The following ARHGEF1 variants were observed in gnomAD, a reference collection of about 807,000 sequenced individuals.
ARHGEF1 encodes the protein Rho guanine nucleotide exchange factor 1.
ARHGEF1 carries 40 observed loss-of-function variants against 119.7 expected under a neutral mutation model. That is an observed-to-expected ratio of 0.33 (90% CI 0.26 to 0.44). The LOEUF is 0.44. ARHGEF1 is among the 20% of genes least tolerant of loss of function. ARHGEF1 has a pLI of 1.00. For synonymous variants in ARHGEF1, 494 were observed against 521.0 expected, an observed-to-expected ratio of 0.95 and a Z score of 0.71; for missense variants, 976 against 1,268.3, an observed-to-expected ratio of 0.77 and a Z score of 3.50.
chr19:41,915,239 G>C (rs782082031), intron 18 of ARHGEF1, among the ~76,000 whole-genome samples: 1 of 147,738 alleles, frequency 6.8e-6, no homozygotes, highest in Non-Finnish European at 1.5e-5. Context: ...ACGAGGAGCC[G>C]TGGGATCGGC....
At chr19:41,884,479 T>G in intron 1 of ARHGEF1, 1 of 1,607,630 alleles carries the variant, frequency 6.2e-7, no homozygotes, top group Non-Finnish European at 8.5e-7. Flanking sequence ...TGGCTTCTCT[T>G]TCCACCTGGA....
downstream of ARHGEF1, among the ~76,000 whole-genome samples, chr19:41,910,300 A>C (rs1330951862): frequency 6.6e-6 from 1 of 152,160 alleles, no homozygotes; most frequent in East Asian, 1.9e-4. This position sits in a 1 kb window ranked among gnomAD's most constrained non-coding sequence, Gnocchi z 4.4. Context: ...CCAGTCATCC[A>C]GGGACCCTGG....
At chr19:41,890,983 A>G (rs1441238203) in intron 4 of ARHGEF1, among the ~76,000 whole-genome samples, 1 of 152,072 alleles carries the variant, frequency 6.6e-6, no homozygotes, top group Non-Finnish European at 1.5e-5. Context: ...CCCAGATGAG[A>G]GCCCCCAGGA....
chr19:41,896,335 C>T lies in ARHGEF1; in HGVS notation c.1016-42C>T, dbSNP rs781931609. On this transcript the variant is annotated intron_variant, in intron 12 of 28. Transcript: ENST00000354532. The stretch of plus-strand genomic sequence containing the variant: ...GCCCCCAGAGTGTGGGTCTCGTGGC[C>T]GCAGAGGCCTTCCAGCCAGCCCTGC... 4.1e-5 allele frequency: 48 copies of T among 1,158,040 alleles called. No homozygotes were observed. The South Asian group carries it at 6.1e-4, about 15-fold the overall frequency. 71.7% of individuals were successfully genotyped at this position (1,158,040 alleles called of 1,614,324 possible). A position where few individuals can be genotyped will look rare whatever the true frequency, so the allele number is the denominator to read the frequency against.
At position 41,902,141 on chromosome 19, in the gene ARHGEF1, G is replaced by A. The variant is rs2074614125; in HGVS notation, c.1414+108G>A. ...GAACCCCAGGGTTCACATGGGGTGG[G>A]GGCAGATACGCCATCCGGTCCCGAG... On this transcript the variant is annotated intron_variant, in intron 15 of 28. Coordinates refer to ENST00000354532, the MANE Select transcript of ARHGEF1 (RefSeq NM_004706.4). The surrounding 1 kb of genome is among the most constrained non-coding windows in gnomAD (Gnocchi z 6.5). 1 of 1,556,146 alleles carries A rather than the reference G, an allele frequency of 6.4e-7. No individual in the cohort carries two copies. Among genetic ancestry groups the A allele is most frequent in the Non-Finnish European group, 8.8e-7 (1 of 1,140,986 alleles).
chr19:41,901,322 G>T (rs1177051660), intron 14 of ARHGEF1, among the ~76,000 whole-genome samples: 2 of 149,076 alleles, frequency 1.3e-5, no homozygotes, highest in East Asian at 4.0e-4. Flanking sequence ...GCTAATTTTT[G>T]TATTTTTTTA....
Position 41,906,533 on chromosome 19 carries a change from C to A in ARHGEF1, c.2568C>A (p.Val856=), listed in dbSNP as rs2074699687. ...GGCCTCCTCGAGATGGGGATGGGGT[C>A]CCAGGGGGCGGCCCCCTGAGCCCAG... ...GAGPPRDGDG[V]PGGGPLSPAR... Residue 856 remains valine (V), a synonymous_variant, in exon 27 of 29, where the codon GTC becomes GTA. Transcript: ENST00000354532. The surrounding 1 kb of genome is among the most constrained non-coding windows in gnomAD (Gnocchi z 4.5). 1.3e-6 allele frequency: 2 copies of A among 1,582,242 alleles called. No homozygotes were observed. The highest frequency in any genetic ancestry group is 4.2e-5 in the Admixed American group (2 of 47,986).
intron 14 of ARHGEF1, 106 bp from the exon 15 acceptor site, chr19:41,901,781 G>C: frequency 1.4e-6 from 2 of 1,394,502 alleles, no homozygotes; most frequent in Non-Finnish European, 1.9e-6. Context: ...CCAACTTCTA[G>C]GAAGCTTTCC....
At position 41,903,383 on chromosome 19, in the gene ARHGEF1, C is replaced by T. The variant is rs1171912888; in HGVS notation, c.1815C>T (p.Ala605=). ...CREILHHVNQ[A]VRDMEDLLRL... ...AAATTCTACACCACGTCAACCAAGC[C>T]GTGCGTGACATGGAGGACCTGCTGG... The change falls in exon 19 of 29, where the codon GCC becomes GCT. Residue 605 remains alanine (A), a synonymous_variant. Transcript: ENST00000354532. This position sits in a 1 kb window ranked among gnomAD's most constrained non-coding sequence, Gnocchi z 4.2. 17 of 1,613,856 alleles carry T rather than the reference C, an allele frequency of 1.1e-5. No homozygotes were observed. In the Middle Eastern group the frequency reaches 1.2e-3, roughly 109 times the overall value.
At position 41,907,203 on chromosome 19, in the gene ARHGEF1, A is replaced by T; in HGVS notation, c.*116A>T. On this transcript the variant is annotated 3_prime_UTR_variant, in exon 29 of 29. Coordinates refer to ENST00000354532, the MANE Select transcript of ARHGEF1 (RefSeq NM_004706.4). ...TCTCACACCCCGAGGGCCTGAGGAG[A>T]GGGAGCTGTGGGCCACGCCTGGGAG... The T allele has an allele frequency of 3.9e-6, 6 of 1,519,668 alleles. No individual in the cohort carries two copies. The highest frequency in any genetic ancestry group is 5.3e-6 in the Non-Finnish European group (6 of 1,139,840). 94.1% of individuals were successfully genotyped at this position (1,519,668 alleles called of 1,614,324 possible).
chr19:41,897,510 C>A, intron 13 of ARHGEF1: 1 of 287,918 alleles, frequency 3.5e-6, no homozygotes, highest in Non-Finnish European at 6.6e-6. Flanking sequence ...CCCTCTGTTG[C>A]CATCCCCCTG....
downstream of ARHGEF1, among the ~76,000 whole-genome samples, chr19:41,910,623 G>A (rs541031399): frequency 6.6e-6 from 1 of 152,284 alleles, no homozygotes; most frequent in African/African-American, 2.4e-5. This position sits in a 1 kb window ranked among gnomAD's most constrained non-coding sequence, Gnocchi z 4.4. Flanking sequence ...CTCTGTGCAT[G>A]TCTGTACCTG....
chr19:41,917,268 ATCTCTCTGTC>A lies in ARHGEF1; in HGVS notation c.1866-5810_1866-5801del, dbSNP rs1221703079. ...TTCCCCCATCTCTCTCTCTGGGTGC[ATCTCTCTGTC>A]TCTCTCTGTCTCTGTCCCTCTCTGT... On this transcript the variant is annotated intron_variant, in intron 18 of 20. Coordinates refer to the ARHGEF1 transcript ENST00000599589. This position sits in a 1 kb window ranked among gnomAD's most constrained non-coding sequence, Gnocchi z 4.8. Among the ~76,000 whole-genome samples, 6 of 151,446 alleles carry A rather than the reference ATCTCTCTGTC, an allele frequency of 4.0e-5. No individual in the cohort carries two copies. Among genetic ancestry groups the A allele is most frequent in the Admixed American group, 6.6e-5 (1 of 15,240 alleles).
intron 12 of ARHGEF1, 119 bp from the exon 13 acceptor site, chr19:41,896,258 A>G: frequency 4.1e-6 from 2 of 488,288 alleles, no homozygotes; most frequent in Non-Finnish European, 7.3e-6. Flanking sequence ...AGTACAGAGC[A>G]GCCATGTGGT....
chr19:41,885,219 T>G (rs1346367684), intron 1 of ARHGEF1, among the ~76,000 whole-genome samples: 1 of 151,616 alleles, frequency 6.6e-6, no homozygotes, highest in Admixed American at 6.6e-5. Context: ...CCCAAACCCC[T>G]CCTCCTAAAC....
chr19:41,907,591 T>C (rs1343028341), downstream of ARHGEF1: 1 of 620,574 alleles, frequency 1.6e-6, no homozygotes, highest in Non-Finnish European at 2.7e-6. Flanking sequence ...TTTCTTTGTT[T>C]GAACCGTTAC....
chr19:41,905,798 A>G lies in ARHGEF1; in HGVS notation c.2375A>G (p.Asn792Ser), dbSNP rs199780248. ...EPLLSSSENG[N>S]GGRETSPADA... ...CTCCTCAGCAGCTCTGAGAACGGCA[A>G]TGGTGGCCGAGAGACGTCTCCAGCT... Residue 792 changes from asparagine (N) to serine (S), a missense_variant, in exon 25 of 29, where the codon AAT becomes AGT. By Grantham distance (46) the Asn-to-Ser change is conservative (BLOSUM62 1). Around this residue, in one of 3 missense-constraint regions of ARHGEF1, gnomAD observed 171 missense variants for 180.6 expected, o/e 0.95. Transcript: ENST00000354532. The surrounding 1 kb of genome is among the most constrained non-coding windows in gnomAD (Gnocchi z 6.4). 152 of 1,614,038 alleles carry G rather than the reference A, an allele frequency of 9.4e-5. 2 individuals carry two copies. The South Asian group carries it at 1.1e-3, about 12-fold the overall frequency.
chr19:41,896,708 G>GCTCCTTCCTCTC (rs1309411214), intron 13 of ARHGEF1: 1 of 681,716 alleles, frequency 1.5e-6, no homozygotes, highest in African/African-American at 1.9e-5. Context: ...TTTTTCCTCT[G>GCTCCTTCCTCTC]CTCCTTCCTC....
rs2074647827 is a variant in ARHGEF1 at position 41,903,959 on chromosome 19, C to A, written c.1918-76C>A. On this transcript the variant is annotated intron_variant, in intron 20 of 28. Coordinates refer to ENST00000354532, the MANE Select transcript of ARHGEF1 (RefSeq NM_004706.4). The surrounding 1 kb of genome is among the most constrained non-coding windows in gnomAD (Gnocchi z 4.2). Reference sequence around the variant, plus strand: ...AGCCTGTGGTCATCCCCGGCCACTGCCCTGCCCTTCCCCTCCCCACCAACC... The same window carrying A: ...AGCCTGTGGTCATCCCCGGCCACTGACCTGCCCTTCCCCTCCCCACCAACC... 1.4e-6 allele frequency: 2 copies of A among 1,473,854 alleles called. No individual in the cohort carries two copies. Among genetic ancestry groups the A allele is most frequent in the South Asian group, 1.2e-5 (1 of 86,926 alleles). The allele number at this position is 1,473,854 out of a possible 1,614,324, so 91.3% of individuals were successfully genotyped here.
Sources: gnomAD v4.1 joint callset for allele counts (sites outside exome capture counted in the v4.1 genomes callset) on GRCh38, gnomAD v4.1.1 for gene constraint, gnomAD v4.1.1 regional missense constraint, Gnocchi (gnomAD v3.1) non-coding constraint, MANE v1.5 for transcripts, NCBI Gene and HGNC (gene_info 2026-07-23, HGNC 2026-07-21) for gene names.